Variants in RSF1 observed in about 807,000 individuals in gnomAD.
RSF1 encodes the protein remodeling and spacing factor 1.
Under a neutral mutation model 145.2 loss-of-function variants are expected in RSF1, and 13 were observed. That is an observed-to-expected ratio of 0.09 (90% CI 0.06 to 0.14). The LOEUF is 0.14. Among genes scored for constraint, RSF1 ranks in the 10% least tolerant of loss-of-function variants. The probability of loss-of-function intolerance (pLI) is 1.00; values close to 1 mark genes in which losing one functional copy is unlikely to be tolerated. For missense variants in RSF1, 1,517 were observed against 1,718.2 expected (o/e 0.88, Z 2.07); for synonymous variants, 577 against 592.6 (o/e 0.97, Z 0.38).
At chr11:77,743,300 G>A (rs949446199) in intron 3 of RSF1, among the ~76,000 whole-genome samples, 7 of 152,160 alleles carry the variant, frequency 4.6e-5, no homozygotes, top group African/African-American at 7.2e-5. Context: ...TAGGGACTGC[G>A]TTGAATCTGT....
intron 1 of RSF1, among the ~76,000 whole-genome samples, chr11:77,787,283 T>C (rs528312486): frequency 1.3e-5 from 2 of 152,090 alleles, no homozygotes; most frequent in South Asian, 4.2e-4. Flanking sequence ...CAACAGGGGG[T>C]CAGCAAATTA....
chr11:77,742,348 C>T (rs1590862129), intron 3 of RSF1, among the ~76,000 whole-genome samples: 1 of 152,040 alleles, frequency 6.6e-6, no homozygotes, highest in South Asian at 2.1e-4. Flanking sequence ...GGCGCGATCT[C>T]GGCTCACTGT....
the RSF1 span, among the ~76,000 whole-genome samples, chr11:77,838,614 C>T: frequency 7.5e-6 from 1 of 134,198 alleles, no homozygotes; most frequent in African/African-American, 2.9e-5. Flanking sequence ...GATACAAGTA[C>T]CTTTTTTTTT....
intron 1 of RSF1, among the ~76,000 whole-genome samples, chr11:77,820,177 G>A (rs1186244277): frequency 3.9e-5 from 6 of 152,154 alleles, no homozygotes; most frequent in Non-Finnish European, 7.4e-5. Context: ...CCCTTCCCCC[G>A]CCGCCAAGGG....
chr11:77,694,839 C>T (rs759132334), intron 7 of RSF1, among the ~76,000 whole-genome samples: 60 of 152,178 alleles, frequency 3.9e-4, no homozygotes, highest in Non-Finnish European at 6.9e-4. Flanking sequence ...CTTCCCTGAC[C>T]GACAGTTTGA....
In RSF1 at chr11:77,811,896, G is replaced by A. The variant is rs537513894; in HGVS notation, c.187+8632C>T. Among the ~76,000 whole-genome samples the A allele has an allele frequency of 2.6e-5, 4 of 152,304 alleles. No individual in the cohort carries two copies. In the East Asian group the frequency reaches 7.7e-4, roughly 29 times the overall value. ...AAGATTAAGAATAAATAAATAGGCT[G>A]AGCTTGGTGGCTCACGCCTGTAATC... On this transcript the variant is annotated intron_variant, in intron 1 of 15. Coordinates refer to ENST00000308488, the MANE Select transcript of RSF1 (RefSeq NM_016578.4).
chr11:77,818,599 T>C (rs934937037), intron 1 of RSF1, among the ~76,000 whole-genome samples: 4 of 151,778 alleles, frequency 2.6e-5, no homozygotes, highest in Non-Finnish European at 2.9e-5. Context: ...GCAAACATGG[T>C]GAAACCCCGT....
At chr11:77,739,845 T>C (rs1040558948) in intron 4 of RSF1, among the ~76,000 whole-genome samples, 21 of 152,172 alleles carry the variant, frequency 1.4e-4, no homozygotes, top group African/African-American at 5.1e-4. Flanking sequence ...GTATTACTCA[T>C]AGGGTTTAGG....
rs1254251517 is a variant in RSF1, at chr11:77,676,773, C to T, written c.3341+19G>A. ...CCTGCTGGTATCTAGGGATCGGGGC[C>T]TAGTAGGAGACCACACACCCATCAC... On this transcript the variant is annotated intron_variant, in intron 13 of 15. Transcript: ENST00000308488. 1 of 1,608,610 alleles carries T rather than the reference C, an allele frequency of 6.2e-7. No homozygotes were observed. Among genetic ancestry groups the T allele is most frequent in the Non-Finnish European group, 8.5e-7 (1 of 1,176,202 alleles).
chr11:77,761,319 C>T (rs1304374455), intron 2 of RSF1, among the ~76,000 whole-genome samples: 2 of 151,978 alleles, frequency 1.3e-5, no homozygotes, highest in African/African-American at 4.8e-5. Flanking sequence ...TTCTAAGATT[C>T]GTATTTGCTT....
intron 11 of RSF1, among the ~76,000 whole-genome samples, chr11:77,679,571 G>A (rs1028248253): frequency 6.6e-6 from 1 of 151,722 alleles, no homozygotes; most frequent in African/African-American, 2.4e-5. Flanking sequence ...TACTTGGGGG[G>A]CCGAGACAAG....
chr11:77,821,764 G>A (rs940577850), upstream of RSF1, among the ~76,000 whole-genome samples: 2 of 152,170 alleles, frequency 1.3e-5, no homozygotes, highest in Admixed American at 6.5e-5. Context: ...AAGAACGCCA[G>A]AGAGAAACTA....
At chr11:77,695,496 A>T (rs1268283839) in intron 7 of RSF1, among the ~76,000 whole-genome samples, 1 of 152,148 alleles carries the variant, frequency 6.6e-6, no homozygotes, top group Non-Finnish European at 1.5e-5. Context: ...AGCTATCATT[A>T]TTTAATTTGT....
chr11:77,670,116 T>TCAAAAA (rs1048612739), intron 15 of RSF1, among the ~76,000 whole-genome samples: 15 of 152,150 alleles, frequency 9.9e-5, no homozygotes, highest in Non-Finnish European at 2.1e-4. Flanking sequence ...AGACCCTGTC[T>TCAAAAA]CAAAAACAAA....
chr11:77,735,573 T>C (rs1219828062), intron 4 of RSF1, among the ~76,000 whole-genome samples: 1 of 152,060 alleles, frequency 6.6e-6, no homozygotes, highest in African/African-American at 2.4e-5. Context: ...AAAATAATAC[T>C]GTTACTTTAA....
intron 1 of RSF1, among the ~76,000 whole-genome samples, chr11:77,779,159 G>T (rs994387608): frequency 3.3e-5 from 5 of 151,518 alleles, no homozygotes; most frequent in Admixed American, 1.3e-4. Context: ...GGCCAGGCTG[G>T]TCTCAAACTC....
rs74415145 is a variant in RSF1, at chr11:77,682,093, T to G, written c.3065+1617A>C. On this transcript the variant is annotated intron_variant, in intron 11 of 15. Coordinates refer to ENST00000308488, the MANE Select transcript of RSF1 (RefSeq NM_016578.4). ...GCAGAACTGACTTCATATTTGCACT[T>G]TCCATCTGTCAGCTTTGACTTCATA... Among the ~76,000 whole-genome samples, 348 of 152,330 alleles carry G rather than the reference T, an allele frequency of 2.3e-3. 8 individuals carry two copies. The East Asian group carries it at 0.055, about 24-fold the overall frequency.
chr11:77,790,544 T>A (rs1948506447), intron 1 of RSF1, among the ~76,000 whole-genome samples: 1 of 152,136 alleles, frequency 6.6e-6, no homozygotes, highest in African/African-American at 2.4e-5. Context: ...CATTTCAGTA[T>A]TAAGTCAGGA....
intron 15 of RSF1, among the ~76,000 whole-genome samples, chr11:77,668,166 AT>A (rs1376870142): frequency 6.6e-6 from 1 of 151,614 alleles, no homozygotes; most frequent in Non-Finnish European, 1.5e-5. Context: ...CACCCAGCTA[AT>A]TTCTTTGCAT....
Sources: allele counts gnomAD v4.1 joint callset (sites outside exome capture counted in the v4.1 genomes callset), GRCh38; gene constraint gnomAD v4.1.1; transcripts MANE v1.5; gene names NCBI Gene and HGNC (gene_info 2026-07-23, HGNC 2026-07-21).